EIF4G3: variants seen among roughly 807,000 people sequenced by gnomAD.
EIF4G3 encodes eIF-4-gamma 3.
A neutral mutation model predicts 186.4 loss-of-function variants in EIF4G3; 34 were observed. The ratio of observed to expected loss-of-function variants is 0.18; its 90% CI spans 0.14 to 0.24. The LOEUF (loss-of-function observed/expected upper bound fraction) is 0.24, where lower values mean the gene tolerates loss of function less well. Among genes scored for constraint, EIF4G3 ranks in the 10% least tolerant of loss-of-function variants. The pLI is 1.00. For missense variants in EIF4G3, 1,536 were observed against 1,948.5 expected (o/e 0.79, Z 3.99); for synonymous variants, 673 against 679.5 (o/e 0.99, Z 0.15).
At chr1:20,937,387 T>G (rs2095551555) in intron 14 of EIF4G3, among the ~76,000 whole-genome samples, 1 of 152,194 alleles carries the variant, frequency 6.6e-6, no homozygotes, top group Non-Finnish European at 1.5e-5. Flanking sequence ...AAACCCAGAT[T>G]TAGTTCCAGC....
chr1:20,837,494 G>A (rs577337433), intron 30 of EIF4G3, among the ~76,000 whole-genome samples: 3 of 152,212 alleles, frequency 2.0e-5, no homozygotes, highest in African/African-American at 4.8e-5. Context: ...GTGAGCCACC[G>A]CGCCTGGCTG....
chr1:21,113,216 T>C (rs986055251), intron 2 of EIF4G3, among the ~76,000 whole-genome samples: 1 of 151,128 alleles, frequency 6.6e-6, no homozygotes, highest in Non-Finnish European at 1.5e-5. Context: ...AGAGTAGCAC[T>C]GTACATTTTT....
At chr1:21,010,228 C>T (rs896057177) in intron 4 of EIF4G3, among the ~76,000 whole-genome samples, 1 of 151,930 alleles carries the variant, frequency 6.6e-6, no homozygotes, top group African/African-American at 2.4e-5. Flanking sequence ...AGGCGGATCA[C>T]GAGGTCTAGG....
chr1:21,114,595 A>G (rs1410055916), intron 2 of EIF4G3, among the ~76,000 whole-genome samples: 1 of 152,218 alleles, frequency 6.6e-6, no homozygotes, highest in South Asian at 2.1e-4. Context: ...ACTCACTCAC[A>G]CAAGTGTTAT....
At chr1:20,992,902 C>T (rs1351706846) in intron 7 of EIF4G3, among the ~76,000 whole-genome samples, 1 of 152,052 alleles carries the variant, frequency 6.6e-6, no homozygotes, top group Admixed American at 6.6e-5. Flanking sequence ...CAAATTATAC[C>T]AAGTGGCTTG....
intron 33 of EIF4G3, among the ~76,000 whole-genome samples, chr1:20,822,264 C>G (rs966982887): frequency 4.0e-5 from 6 of 151,826 alleles, no homozygotes; most frequent in Admixed American, 3.9e-4. Flanking sequence ...GCTTTCATTC[C>G]AGATATTAGT....
intron 4 of EIF4G3, among the ~76,000 whole-genome samples, chr1:21,021,360 T>A (rs1318428943): frequency 2.0e-5 from 3 of 152,198 alleles, no homozygotes; most frequent in Non-Finnish European, 4.4e-5. Context: ...CTACAAATGC[T>A]GCACCTCTGA....
At chr1:20,865,652 T>C (rs955649085) in intron 20 of EIF4G3, among the ~76,000 whole-genome samples, 5 of 152,052 alleles carry the variant, frequency 3.3e-5, no homozygotes, top group African/African-American at 1.2e-4. Flanking sequence ...CACACAAAAA[T>C]GACATAAGAC....
At position 20,969,552 on chromosome 1, in the gene EIF4G3, C is replaced by T; in HGVS notation, c.636G>A (p.Glu212=). ...DPNQGGKDIT[E]EIMSGGGSRN... ...TGCTGCCACCTCCAGACATAATCTC[C>T]TCTGTTATGTCTTTACCTCCCTGGT... Residue 212 remains glutamate (E), a synonymous_variant, in exon 12 of 37, where the codon GAG becomes GAA. Transcript: ENST00000602326. 6.2e-7 allele frequency: 1 copy of T among 1,613,272 alleles called. No individual in the cohort carries two copies. The highest frequency in any genetic ancestry group is 8.5e-7 in the Non-Finnish European group (1 of 1,179,276).
At chr1:20,956,726 G>A (rs2096437758) in intron 12 of EIF4G3, among the ~76,000 whole-genome samples, 1 of 151,502 alleles carries the variant, frequency 6.6e-6, no homozygotes, top group Non-Finnish European at 1.5e-5. Context: ...AGGCTGAAGT[G>A]CAGTAGCATG....
At chr1:20,851,875 G>A (rs1053721079) in intron 27 of EIF4G3, among the ~76,000 whole-genome samples, 5 of 151,914 alleles carry the variant, frequency 3.3e-5, no homozygotes, top group African/African-American at 9.7e-5. Flanking sequence ...AAAATTAGCC[G>A]GGTTTGGTGG....
chr1:21,135,185 G>T (rs772663487), intron 2 of EIF4G3, among the ~76,000 whole-genome samples: 17 of 152,200 alleles, frequency 1.1e-4, no homozygotes, highest in Non-Finnish European at 2.2e-4. Context: ...CACCCGCAGA[G>T]TCACAACAGA....
intron 14 of EIF4G3, among the ~76,000 whole-genome samples, chr1:20,940,151 C>T (rs12092496): frequency 0.031 from 4,744 of 152,054 alleles, 241 homozygotes; most frequent in African/African-American, 0.11. Context: ...CCACTGCACC[C>T]GGCCCCAAGG....
intron 2 of EIF4G3, among the ~76,000 whole-genome samples, chr1:21,173,266 G>A (rs949632881): frequency 2.6e-5 from 4 of 151,282 alleles, no homozygotes; most frequent in African/African-American, 7.3e-5. Context: ...GTGCAGTCTC[G>A]GCTCATTGCA....
chr1:20,862,087 G>T (rs2076493227), intron 23 of EIF4G3, 141 bp downstream of exon 23: 2 of 524,904 alleles, frequency 3.8e-6, no homozygotes, highest in Non-Finnish European at 6.6e-6. Flanking sequence ...CTCTCCCACG[G>T]AAAGTTTGCC....
intron 4 of EIF4G3, among the ~76,000 whole-genome samples, chr1:21,050,033 C>T (rs11805886): frequency 0.034 from 5,148 of 152,106 alleles, 292 homozygotes; most frequent in African/African-American, 0.12. Flanking sequence ...TCTAAAAGGC[C>T]TAAAATATGG....
At chr1:21,118,768 A>T (rs1456106727) in intron 2 of EIF4G3, among the ~76,000 whole-genome samples, 2 of 150,610 alleles carry the variant, frequency 1.3e-5, no homozygotes, top group Non-Finnish European at 3.0e-5. Context: ...CCTGGGCGAC[A>T]GAGCGAGACT....
chr1:20,962,102 A>C (rs1045038806), intron 12 of EIF4G3, among the ~76,000 whole-genome samples: 1 of 152,168 alleles, frequency 6.6e-6, no homozygotes, highest in Non-Finnish European at 1.5e-5. Flanking sequence ...AACCGAAGCT[A>C]TAGACCCAAT....
chr1:20,868,518 C>A (rs1248805300), intron 20 of EIF4G3, among the ~76,000 whole-genome samples: 2 of 152,192 alleles, frequency 1.3e-5, no homozygotes, highest in East Asian at 1.9e-4. Flanking sequence ...CCCCACCCAC[C>A]TCCTAATGTA....
Sources: gnomAD v4.1 joint callset for allele counts (sites outside exome capture counted in the v4.1 genomes callset) on GRCh38, gnomAD v4.1.1 for gene constraint, MANE v1.5 for transcripts, NCBI Gene and HGNC (gene_info 2026-07-23, HGNC 2026-07-21) for gene names.